PPP4R4: variants seen among roughly 807,000 people sequenced by gnomAD.
PPP4R4 encodes the protein serine/threonine-protein phosphatase 4 regulatory subunit 4.
Under a neutral mutation model 121.8 loss-of-function variants are expected in PPP4R4, and 70 were observed. The ratio of observed to expected loss-of-function variants is 0.57; its 90% confidence interval spans 0.47 to 0.70. The LOEUF is 0.70. PPP4R4 is among the 30% of genes least tolerant of loss of function. The pLI is 0.00. For synonymous variants in PPP4R4, 348 were observed against 355.7 expected (o/e 0.98, Z 0.24); for missense variants, 875 against 1,033.6 (o/e 0.85, Z 2.10).
intron 3 of PPP4R4, among the ~76,000 whole-genome samples, chr14:94,220,454 A>T (rs1891323273): frequency 6.6e-6 from 1 of 152,248 alleles, no homozygotes; most frequent in East Asian, 1.9e-4. Flanking sequence ...AGAAAGAAGT[A>T]AAGCTGTCTT....
intron 2 of PPP4R4, among the ~76,000 whole-genome samples, chr14:94,196,470 C>T (rs10450947): frequency 0.011 from 1,638 of 151,912 alleles, 36 homozygotes; most frequent in African/African-American, 0.037. Flanking sequence ...TTTGCCACCA[C>T]ACCCAGCTAA....
At chr14:94,180,684 CG>C (rs1441112515) in intron 2 of PPP4R4, among the ~76,000 whole-genome samples, 1 of 150,402 alleles carries the variant, frequency 6.6e-6, no homozygotes, top group African/African-American at 2.5e-5. Context: ...TTCACAGGCA[CG>C]GTCACAGTGC....
intron 2 of PPP4R4, among the ~76,000 whole-genome samples, chr14:94,203,843 T>A (rs1490422853): frequency 6.6e-6 from 1 of 152,224 alleles, no homozygotes; most frequent in African/African-American, 2.4e-5. Flanking sequence ...TCATCCTCAG[T>A]AAAATGTTCC....
chr14:94,268,769 C>T (rs1315158097), intron 23 of PPP4R4, among the ~76,000 whole-genome samples: 1 of 152,074 alleles, frequency 6.6e-6, no homozygotes, highest in African/African-American at 2.4e-5. Flanking sequence ...TCTCGTGAGA[C>T]TTATTCACTA....
chr14:94,237,899 C>T (rs1008490996), intron 8 of PPP4R4, among the ~76,000 whole-genome samples: 3 of 152,162 alleles, frequency 2.0e-5, no homozygotes, highest in African/African-American at 7.2e-5. Context: ...TAACAGAATA[C>T]CTGAGACCAG....
intron 3 of PPP4R4, 34 bp downstream of exon 3, chr14:94,208,600 A>C (rs1890585294): frequency 6.6e-7 from 1 of 1,525,000 alleles, no homozygotes; most frequent in Admixed American, 1.7e-5. Context: ...GGAGTTTCCC[A>C]TTTTTTCCCA....
At chr14:94,245,731 GT>G in intron 13 of PPP4R4, 61 bp downstream of exon 13, 1 of 1,182,736 alleles carries the variant, frequency 8.5e-7, no homozygotes, top group African/African-American at 1.6e-5. Context: ...TCTACAGGGT[GT>G]TTTGAGGCAT....
At chr14:94,240,574 A>T in intron 8 of PPP4R4, 99 bp from the exon 9 acceptor site, 2 of 1,295,626 alleles carry the variant, frequency 1.5e-6, no homozygotes, top group Non-Finnish European at 2.1e-6. Context: ...AGGCTAACAT[A>T]GTAATTTTTC....
rs758047104 is a variant in PPP4R4, at chr14:94,241,846, A to C, written c.1035A>C (p.Thr345=). The C allele has an allele frequency of 1.9e-6, 3 of 1,609,180 alleles. No homozygotes were observed. Among genetic ancestry groups the C allele is most frequent in the African/African-American group, 2.7e-5 (2 of 74,744 alleles). ...RFLEFYKKLC[T]LGLQQENGHN... is the part of the protein sequence containing the mutation. The stretch of plus-strand genomic sequence containing the variant: ...TGGAATTTTATAAGAAACTTTGTAC[A>C]TTGGGTTTGCAACAAGAAAATGGAC... The change falls in exon 10 of 25, where the codon ACA becomes ACC. Residue 345 remains threonine (T), a synonymous_variant. Transcript: ENST00000304338.
At chr14:94,274,056 T>G (rs1259716496) in intron 23 of PPP4R4, among the ~76,000 whole-genome samples, 2 of 152,126 alleles carry the variant, frequency 1.3e-5, no homozygotes, top group South Asian at 2.1e-4. Flanking sequence ...TATGACCACA[T>G]GTACACATTA....
Position 94,246,491 on chromosome 14 carries a change from G to A in PPP4R4, c.1563G>A (p.Gln521=). 2 of 1,614,030 alleles carry A rather than the reference G, an allele frequency of 1.2e-6. No homozygotes were observed. Among genetic ancestry groups the A allele is most frequent in the Non-Finnish European group, 1.7e-6 (2 of 1,179,928 alleles). The change falls in exon 14 of 25, where the codon CAG becomes CAA. Residue 521 remains glutamine, a synonymous_variant. Coordinates refer to ENST00000304338, the MANE Select transcript of PPP4R4 (RefSeq NM_058237.2). ...ACLPHVISSD[Q]IYYRFLQRMF... ...TGCCACATGTCATATCAAGCGATCA[G>A]ATTTATTACCGTTTCTTACAAAGAA...
intron 21 of PPP4R4, 118 bp downstream of exon 21, chr14:94,265,591 C>A: frequency 1.1e-6 from 1 of 942,714 alleles, no homozygotes; most frequent in Non-Finnish European, 1.6e-6. Flanking sequence ...TTCTAAAGCA[C>A]TTTTCACCTT....
At position 94,174,496 on chromosome 14, in the gene PPP4R4, G is replaced by C; in HGVS notation, c.31G>C (p.Asp11His). 1 of 1,609,292 alleles carries C rather than the reference G, an allele frequency of 6.2e-7. No individual in the cohort carries two copies. Among genetic ancestry groups the C allele is most frequent in the South Asian group, 1.1e-5 (1 of 90,648 alleles). The change falls in exon 1 of 25, where the codon GAT (aspartate) becomes CAT (histidine). Residue 11 changes from aspartate to histidine, a missense_variant. Asp to His is a moderately conservative substitution (Grantham distance 81, BLOSUM62 -1). Coordinates refer to ENST00000304338, the MANE Select transcript of PPP4R4 (RefSeq NM_058237.2). ...TCCGCCGCCGCCCGCCGCCGCGATG[G>C]ATTTCAGTCAGAACAGCCTGTTCGG... is the stretch of plus-strand genomic sequence containing the variant. MHPPPPAAAM[D>H]FSQNSLFGYM...
chr14:94,272,412 A>G (rs929373757), intron 23 of PPP4R4, among the ~76,000 whole-genome samples: 21 of 152,322 alleles, frequency 1.4e-4, no homozygotes, highest in African/African-American at 5.1e-4. Flanking sequence ...TGGAGAAAAG[A>G]TAGTCTTTTC....
chr14:94,232,267 T>C (rs1158304828), intron 5 of PPP4R4, among the ~76,000 whole-genome samples: 1 of 152,202 alleles, frequency 6.6e-6, no homozygotes. Flanking sequence ...AAATATGTCA[T>C]GATTGAAAAA....
intron 2 of PPP4R4, among the ~76,000 whole-genome samples, chr14:94,193,206 A>G (rs1197750273): frequency 6.6e-6 from 1 of 152,174 alleles, no homozygotes; most frequent in Non-Finnish European, 1.5e-5. Flanking sequence ...CAGCAAAGTT[A>G]CACAGTTTTC....
chr14:94,185,143 A>G (rs1889200257), intron 2 of PPP4R4, among the ~76,000 whole-genome samples: 1 of 152,168 alleles, frequency 6.6e-6, no homozygotes, highest in African/African-American at 2.4e-5. Context: ...AGGCTTGCTC[A>G]TTTACTTACT....
chr14:94,211,447 G>T (rs1031237608), intron 3 of PPP4R4, among the ~76,000 whole-genome samples: 3 of 152,164 alleles, frequency 2.0e-5, no homozygotes, highest in Admixed American at 6.6e-5. Flanking sequence ...GGACCAAGTA[G>T]TTCAGGTGGA....
chr14:94,264,043 T>A (rs979023812), intron 19 of PPP4R4, among the ~76,000 whole-genome samples: 2 of 152,232 alleles, frequency 1.3e-5, no homozygotes, highest in Admixed American at 6.5e-5. Flanking sequence ...TTTGGTAACG[T>A]TTTGTTTCAT....
Sources: allele counts gnomAD v4.1 joint callset (sites outside exome capture counted in the v4.1 genomes callset), GRCh38; gene constraint gnomAD v4.1.1; transcripts MANE v1.5; gene names NCBI Gene and HGNC (gene_info 2026-07-23, HGNC 2026-07-21).